DAPK1: variants seen among roughly 807,000 people sequenced by gnomAD.
The protein encoded by DAPK1 is death-associated protein kinase 1.
In DAPK1, 56 loss-of-function variants were observed where a neutral mutation model predicts 144.9. That is an observed-to-expected ratio of 0.39 (90% CI 0.31 to 0.48). DAPK1 has a LOEUF of 0.48. DAPK1 is among the 20% of genes least tolerant of loss of function. The probability of loss-of-function intolerance (pLI) is 0.95; values close to 1 mark genes in which losing one functional copy is unlikely to be tolerated. For synonymous variants in DAPK1, 690 were observed against 749.0 expected, an observed-to-expected ratio of 0.92 and a Z score of 1.29; for missense variants, 1,454 against 1,875.4, an observed-to-expected ratio of 0.78 and a Z score of 4.15.
chr9:87,650,471 G>T (rs370150551), intron 16 of DAPK1: 2 of 250,350 alleles, frequency 8.0e-6, no homozygotes, highest in Non-Finnish European at 1.6e-5. Context: ...GATAAACAAA[G>T]AAATAGATGT....
At chr9:87,687,026 G>C (rs1268847844) in intron 21 of DAPK1, 1 of 162,226 alleles carries the variant, frequency 6.2e-6, no homozygotes, top group Non-Finnish European at 1.3e-5. Flanking sequence ...ATATTTATGG[G>C]GTACGTGTGA....
At chr9:87,671,962 A>G (rs1254901214) in intron 19 of DAPK1, among the ~76,000 whole-genome samples, 1 of 152,196 alleles carries the variant, frequency 6.6e-6, no homozygotes, top group East Asian at 1.9e-4. Context: ...CCTGGGATCC[A>G]ACTCCAGCTC....
At chr9:87,556,380 A>T (rs1287999416) in intron 2 of DAPK1, among the ~76,000 whole-genome samples, 1 of 152,226 alleles carries the variant, frequency 6.6e-6, no homozygotes, top group Non-Finnish European at 1.5e-5. Flanking sequence ...GAGGGTGCCC[A>T]CGTGTGTGTA....
chr9:87,561,766 T>A (rs1449187167), intron 2 of DAPK1, among the ~76,000 whole-genome samples: 1 of 152,156 alleles, frequency 6.6e-6, no homozygotes, highest in East Asian at 1.9e-4. Context: ...TTTCTTCTCA[T>A]CCAGAAGTGG....
intron 2 of DAPK1, among the ~76,000 whole-genome samples, chr9:87,567,737 G>C (rs1474787427): frequency 6.6e-6 from 1 of 152,070 alleles, no homozygotes; most frequent in Non-Finnish European, 1.5e-5. Context: ...GGATTCCTCA[G>C]ATTGCCTCCG....
chr9:87,634,579 G>T (rs975261482), intron 3 of DAPK1, among the ~76,000 whole-genome samples: 2 of 152,206 alleles, frequency 1.3e-5, no homozygotes, highest in African/African-American at 2.4e-5. Flanking sequence ...TCAAGAGATG[G>T]AGCCACAGAT....
intron 2 of DAPK1, among the ~76,000 whole-genome samples, chr9:87,528,522 A>G (rs1207005593): frequency 3.9e-5 from 6 of 152,040 alleles, no homozygotes; most frequent in Admixed American, 6.5e-5. Flanking sequence ...CCGGCCTACC[A>G]TGCACCTTTT....
In DAPK1 at chr9:87,686,762, GA is replaced by G; in HGVS notation, c.2413+25del. Reference sequence around the variant, plus strand: ...ATGGTATGCCCTGCCTGCCCCAAGGGAAGGACCTCAGGTTTCCCTTCAACAG... The same window carrying G: ...ATGGTATGCCCTGCCTGCCCCAAGGGAGGACCTCAGGTTTCCCTTCAACAG... On this transcript the variant is annotated intron_variant, in intron 21 of 25. Transcript: ENST00000408954. The surrounding 1 kb of genome is among the most constrained non-coding windows in gnomAD (Gnocchi z 4.2). 1.3e-6 allele frequency: 2 copies of G among 1,573,276 alleles called. No individual in the cohort carries two copies. The highest frequency in any genetic ancestry group is 1.7e-5 in the Admixed American group (1 of 58,764).
Position 87,707,228 on chromosome 9 carries a change from G to C in DAPK1, c.4157G>C (p.Arg1386Pro). 2 of 1,614,158 alleles carry C rather than the reference G, an allele frequency of 1.2e-6. No homozygotes were observed. The highest frequency in any genetic ancestry group is 1.7e-6 in the Non-Finnish European group (2 of 1,180,030). ...TCCAAACTGAGGGAGCTGGGTCGCCGGGATGCCGCAGACTTTTTGCTGAAG... is the reference window on the plus strand; with the variant it reads ...TCCAAACTGAGGGAGCTGGGTCGCCCGGATGCCGCAGACTTTTTGCTGAAG... ...LMSKLRELGRRDAADFLLKAS... is the reference protein window; with the variant it reads ...LMSKLRELGRPDAADFLLKAS... The change falls in exon 26 of 26, where the codon CGG (arginine) becomes CCG (proline). Residue 1386 changes from arginine (R) to proline (P), a missense_variant. Physicochemically the swap from Arg to Pro is moderately radical, Grantham distance 103 (BLOSUM62 -2). Transcript: ENST00000408954. The surrounding 1 kb of genome is among the most constrained non-coding windows in gnomAD (Gnocchi z 4.0).
At chr9:87,645,464 A>G (rs1830234943) in intron 11 of DAPK1, among the ~76,000 whole-genome samples, 1 of 152,234 alleles carries the variant, frequency 6.6e-6, no homozygotes, top group African/African-American at 2.4e-5. Flanking sequence ...CAAATTGAGA[A>G]TATCTTATTC....
At chr9:87,609,999 T>C (rs1828869900) in intron 3 of DAPK1, among the ~76,000 whole-genome samples, 3 of 152,236 alleles carry the variant, frequency 2.0e-5, no homozygotes. Flanking sequence ...TCTCTTGGTA[T>C]TTCATGAACC....
intron 20 of DAPK1, among the ~76,000 whole-genome samples, chr9:87,683,158 C>T (rs1304528768): frequency 1.3e-5 from 2 of 150,522 alleles, no homozygotes; most frequent in Non-Finnish European, 3.0e-5. Context: ...TCTCGGCTCA[C>T]TGCAACCTCC....
rs768281968 is a variant in DAPK1 at position 87,649,965 on chromosome 9, C to T, written c.1473C>T (p.Tyr491=). Reference sequence around the variant, plus strand: ...ACTGTGCTGCTTGGCACGGCTATTACTCTGTGGCCAAAGCCCTTTGTGAAG... The same window carrying T: ...ACTGTGCTGCTTGGCACGGCTATTATTCTGTGGCCAAAGCCCTTTGTGAAG... ...PLHCAAWHGY[Y]SVAKALCEAG... Residue 491 remains tyrosine (Y), a synonymous_variant, in exon 16 of 26, where the codon TAC becomes TAT. Transcript: ENST00000408954. 2 of 1,614,230 alleles carry T rather than the reference C, an allele frequency of 1.2e-6. No individual in the cohort carries two copies. Among genetic ancestry groups the T allele is most frequent in the South Asian group, 1.1e-5 (1 of 91,088 alleles).
intron 18 of DAPK1, 65 bp from the exon 19 acceptor site, chr9:87,668,532 G>A: frequency 1.1e-6 from 1 of 883,974 alleles, no homozygotes; most frequent in Admixed American, 1.7e-5. Flanking sequence ...CCACGGAATT[G>A]GCGTATGGAA....
At chr9:87,647,140 A>G (rs1197046283) in intron 13 of DAPK1, among the ~76,000 whole-genome samples, 165 bp from the exon 14 acceptor site, 1 of 152,236 alleles carries the variant, frequency 6.6e-6, no homozygotes, top group Non-Finnish European at 1.5e-5. Context: ...ACCACGGTAC[A>G]TTTGTCAAAG....
At chr9:87,501,001 C>A (rs140894025) in intron 2 of DAPK1, among the ~76,000 whole-genome samples, 1,759 of 152,112 alleles carry the variant, frequency 0.012, 23 homozygotes, top group Admixed American at 0.025. Flanking sequence ...TTTTTCAAGT[C>A]CTGATTTTAT....
intron 3 of DAPK1, among the ~76,000 whole-genome samples, chr9:87,621,918 T>C (rs1829306829): frequency 6.6e-6 from 1 of 151,994 alleles, no homozygotes; most frequent in African/African-American, 2.4e-5. Flanking sequence ...CTGGGCTCGG[T>C]AGAGCCTCGG....
chr9:87,599,353 A>G (rs1019614392), intron 2 of DAPK1, among the ~76,000 whole-genome samples: 7 of 152,252 alleles, frequency 4.6e-5, no homozygotes, highest in African/African-American at 1.7e-4. Context: ...AGAGCCTTGC[A>G]TATGATCCTG....
chr9:87,498,613 C>T (rs1456585309), intron 1 of DAPK1: 4 of 312,340 alleles, frequency 1.3e-5, no homozygotes, highest in Non-Finnish European at 2.3e-5. Flanking sequence ...GCGAGGGCTT[C>T]ATTCTTCCGC....
Sources: allele counts gnomAD v4.1 joint callset (sites outside exome capture counted in the v4.1 genomes callset), GRCh38; gene constraint gnomAD v4.1.1; non-coding constraint Gnocchi (gnomAD v3.1); transcripts MANE v1.5; gene names NCBI Gene and HGNC (gene_info 2026-07-23, HGNC 2026-07-21).